Variants in MED13L observed in about 807,000 individuals in gnomAD.
MED13L encodes mediator complex subunit 13L.
A neutral mutation model predicts 220.9 loss-of-function variants in MED13L; 7 were observed. The ratio of observed to expected loss-of-function variants is 0.03; its 90% CI spans 0.02 to 0.06. The LOEUF (loss-of-function observed/expected upper bound fraction) is 0.06, where lower values mean the gene tolerates loss of function less well. Ranked by LOEUF, MED13L falls within the 10% of genes least tolerant of loss-of-function variation. The pLI, the probability that MED13L is intolerant of heterozygous loss-of-function variation, is 1.00. For synonymous variants in MED13L, 1,011 were observed against 1,015.2 expected (o/e 1.00, Z 0.08); for missense variants, 1,965 against 2,760.5 (o/e 0.71, Z 6.46).
chr12:116,200,229 C>T (rs980161635), intron 2 of MED13L, among the ~76,000 whole-genome samples: 2 of 151,676 alleles, frequency 1.3e-5, no homozygotes. Context: ...TTTTAATTAT[C>T]GCATTTCCTT....
intron 2 of MED13L, among the ~76,000 whole-genome samples, chr12:116,149,714 A>G (rs1325626235): frequency 1.3e-5 from 2 of 152,190 alleles, no homozygotes; most frequent in African/African-American, 2.4e-5. Flanking sequence ...GCTGATACAG[A>G]TGACCTAAGC....
chr12:116,116,050 T>C (rs777385367), intron 2 of MED13L, among the ~76,000 whole-genome samples: 1 of 152,196 alleles, frequency 6.6e-6, no homozygotes, highest in Admixed American at 6.5e-5. Context: ...AAACACATAT[T>C]TGGTCCTGTT....
At chr12:116,042,981 A>C (rs1204747952) in intron 4 of MED13L, among the ~76,000 whole-genome samples, 2 of 152,172 alleles carry the variant, frequency 1.3e-5, no homozygotes, top group East Asian at 3.8e-4. Flanking sequence ...TGTTCATGTT[A>C]AACAAAGCCC....
rs557828527 is a variant in MED13L at position 116,020,971 on chromosome 12, G to A, written c.626-999C>T. ...ACATGTATCGTTGAGTCTTTCTGCT[G>A]TTCCTCAATGATCCAAATGGGATAA... On this transcript the variant is annotated intron_variant, in intron 5 of 30. Transcript: ENST00000281928. Among the ~76,000 whole-genome samples the A allele has an allele frequency of 4.6e-5, 7 of 152,156 alleles. No homozygotes were observed. The East Asian group carries it at 1.2e-3, about 25-fold the overall frequency.
At chr12:116,183,820 ATGTG>A (rs57716114) in intron 2 of MED13L, among the ~76,000 whole-genome samples, 8 of 146,484 alleles carry the variant, frequency 5.5e-5, no homozygotes, top group Non-Finnish European at 9.1e-5. Flanking sequence ...GTGTGTGTGT[ATGTG>A]TGTGTGTGTG....
At chr12:115,970,572 T>G (rs1183179927) in intron 27 of MED13L, 22 bp downstream of exon 27, 1 of 1,611,136 alleles carries the variant, frequency 6.2e-7, no homozygotes, top group Non-Finnish European at 8.5e-7. Flanking sequence ...GTGAGCACTA[T>G]CCATACAGGT....
At chr12:116,072,544 C>T (rs1044313701) in intron 4 of MED13L, among the ~76,000 whole-genome samples, 11 of 152,142 alleles carry the variant, frequency 7.2e-5, no homozygotes, top group Non-Finnish European at 1.3e-4. Context: ...CTCCGCCTCC[C>T]GGGTTCAAGC....
chr12:116,203,629 G>A (rs2138320038), intron 2 of MED13L, among the ~76,000 whole-genome samples: 1 of 152,108 alleles, frequency 6.6e-6, no homozygotes, highest in Non-Finnish European at 1.5e-5. Flanking sequence ...AGACCAGCCT[G>A]GCCAACATGG....
At chr12:116,133,127 T>G (rs1035857975) in intron 2 of MED13L, among the ~76,000 whole-genome samples, 2 of 152,080 alleles carry the variant, frequency 1.3e-5, no homozygotes, top group Non-Finnish European at 2.9e-5. Context: ...AGAAGGAAAA[T>G]GAGTGAATGG....
chr12:116,276,650 A>G (rs1479335507), intron 1 of MED13L: 4 of 1,190,326 alleles, frequency 3.4e-6, no homozygotes, highest in Non-Finnish European at 3.2e-6. Context: ...TGATCCAACA[A>G]CGGGGGAAGA....
At chr12:116,229,014 C>T (rs181968523) in intron 2 of MED13L, among the ~76,000 whole-genome samples, 1 of 151,918 alleles carries the variant, frequency 6.6e-6, no homozygotes, top group East Asian at 1.9e-4. Flanking sequence ...TGGGCTCAAG[C>T]GATCCTCCCT....
chr12:116,161,746 C>T (rs575752018), intron 2 of MED13L, among the ~76,000 whole-genome samples: 125 of 152,248 alleles, frequency 8.2e-4, no homozygotes, highest in Middle Eastern at 3.4e-3. Context: ...AAAAAAATTA[C>T]GTCAACGCTA....
chr12:116,245,642 A>G (rs1871033014), intron 1 of MED13L, among the ~76,000 whole-genome samples: 1 of 152,204 alleles, frequency 6.6e-6, no homozygotes, highest in Admixed American at 6.5e-5. Flanking sequence ...ATTTTTTAAA[A>G]GCTCTTGGAA....
Position 116,096,674 on chromosome 12 carries a change from G to A in MED13L, c.474C>T (p.Asn158=). 1 of 1,613,900 alleles carries A rather than the reference G, an allele frequency of 6.2e-7. No homozygotes were observed. Among genetic ancestry groups the A allele is most frequent in the Non-Finnish European group, 8.5e-7 (1 of 1,179,874 alleles). Residue 158 remains asparagine, a synonymous_variant, in exon 4 of 31, where the codon AAC becomes AAT. Transcript: ENST00000281928. ...AGAGCATTCTAAAGGCTCACCTTTT[G>A]TTGACTGGCTTTTCATCCTTTTCGT... ...RPYEKDEKPV[N]KSEHLSCAFT...
chr12:116,026,621 C>G (rs1880410556), intron 4 of MED13L, among the ~76,000 whole-genome samples: 1 of 152,134 alleles, frequency 6.6e-6, no homozygotes, highest in Non-Finnish European at 1.5e-5. Flanking sequence ...GCTGCTGCTC[C>G]TGGCTCAAAG....
intron 4 of MED13L, among the ~76,000 whole-genome samples, chr12:116,095,955 C>T (rs753433718): frequency 3.3e-5 from 5 of 152,102 alleles, no homozygotes; most frequent in African/African-American, 9.7e-5. Context: ...GTTTTACAAT[C>T]GTCAAAGATG....
intron 2 of MED13L, among the ~76,000 whole-genome samples, chr12:116,140,400 T>G (rs760800504): frequency 6.6e-6 from 1 of 152,208 alleles, no homozygotes; most frequent in Non-Finnish European, 1.5e-5. Context: ...CAGGATTCAT[T>G]ACCAGTGTTA....
Position 115,963,487 on chromosome 12 carries a change from C to T in MED13L, c.6420G>A (p.Gln2140=), listed in dbSNP as rs1565981208. The T allele has an allele frequency of 1.9e-6, 3 of 1,614,120 alleles. No homozygotes were observed. The highest frequency in any genetic ancestry group is 2.5e-6 in the Non-Finnish European group (3 of 1,179,972). Residue 2140 remains glutamine (Q), a synonymous_variant, in exon 30 of 31, where the codon CAG becomes CAA. Coordinates refer to ENST00000281928, the MANE Select transcript of MED13L (RefSeq NM_015335.5). ...ASLHHHISVA[Q]TDELLPARNS... is the part of the protein sequence containing the mutation. The stretch of plus-strand genomic sequence containing the variant: ...TCCTGGCAGGCAGAAGTTCGTCTGT[C>T]TGTGCTACTGAAATGTGGTGATGCA...
chr12:115,981,045 C>T, intron 22 of MED13L, 107 bp from the exon 23 acceptor site: 1 of 875,340 alleles, frequency 1.1e-6, no homozygotes, highest in Non-Finnish European at 1.8e-6. Context: ...TTCCTTACCA[C>T]AATGGGGAGA....
Sources: allele counts gnomAD v4.1 joint callset (sites outside exome capture counted in the v4.1 genomes callset), GRCh38; gene constraint gnomAD v4.1.1; transcripts MANE v1.5; gene names NCBI Gene and HGNC (gene_info 2026-07-23, HGNC 2026-07-21).